GSE1: variants seen among roughly 807,000 people sequenced by gnomAD.
GSE1 encodes the protein genetic suppressor element 1.
In GSE1, 32 loss-of-function variants were observed where a neutral mutation model predicts 112.6. The ratio of observed to expected loss-of-function variants is 0.28; its 90% CI spans 0.21 to 0.38. GSE1 has a LOEUF of 0.38. GSE1 is among the 10% of genes least tolerant of loss of function. The pLI is 1.00. For synonymous variants in GSE1, 1,115 were observed against 735.6 expected (o/e 1.52, Z -8.35); for missense variants, 2,348 against 1,699.2 (o/e 1.38, Z -6.71).
chr16:85,446,458 G>A (rs989674416), intron 2 of GSE1, among the ~76,000 whole-genome samples: 7 of 152,206 alleles, frequency 4.6e-5, no homozygotes, highest in African/African-American at 1.7e-4. Flanking sequence ...GCATGGGTGG[G>A]TGATGTCCCC....
chr16:85,589,683 A>G (rs1026521193), intron 1 of GSE1, among the ~76,000 whole-genome samples: 2 of 152,178 alleles, frequency 1.3e-5, no homozygotes, highest in Non-Finnish European at 2.9e-5. Flanking sequence ...GGTGTATGGA[A>G]TGTGAACGTG....
chr16:85,313,918 C>CTGTGTGTGTG (rs10676246), intron 1 of GSE1, among the ~76,000 whole-genome samples: 33 of 149,294 alleles, frequency 2.2e-4, no homozygotes, highest in Non-Finnish European at 1.3e-4. Context: ...GTCTGAGCCT[C>CTGTGTGTGTG]TGTGTGTGTG....
chr16:85,652,651 C>T (rs1003211901), intron 3 of GSE1, among the ~76,000 whole-genome samples: 1 of 152,174 alleles, frequency 6.6e-6, no homozygotes, highest in Non-Finnish European at 1.5e-5. Context: ...TGCCTCTGCG[C>T]GGGTGCCATG....
At chr16:85,484,151 C>T (rs1597908295) in intron 2 of GSE1, among the ~76,000 whole-genome samples, 1 of 152,216 alleles carries the variant, frequency 6.6e-6, no homozygotes, top group South Asian at 2.1e-4. Context: ...TTCATAGAAC[C>T]GCAGTGAGGT....
At position 85,386,014 on chromosome 16, in the gene GSE1, A is replaced by C. The variant is rs766013937; in HGVS notation, c.2464+28371A>C. On this transcript the variant is annotated intron_variant, in intron 2 of 2. Coordinates refer to the GSE1 transcript ENST00000637419. ...CCCCGAGGGTACACCCAGGGAGGGC[A>C]TCACTCTGCGGGGCTGTCTGGGCCT... is the stretch of plus-strand genomic sequence containing the variant. 1.3e-5 allele frequency among the ~76,000 whole-genome samples: 2 copies of C among 152,172 alleles called. 1 individual carries two copies. Among genetic ancestry groups the C allele is most frequent in the Non-Finnish European group, 2.9e-5 (2 of 68,016 alleles).
At chr16:85,320,148 C>T (rs1480191185) in intron 1 of GSE1, among the ~76,000 whole-genome samples, 1 of 152,222 alleles carries the variant, frequency 6.6e-6, no homozygotes, top group Non-Finnish European at 1.5e-5. Context: ...CATGTTGCTG[C>T]CGTTCTTGGG....
At chr16:85,294,737 G>A (rs923048826) in intron 1 of GSE1, among the ~76,000 whole-genome samples, 1 of 146,384 alleles carries the variant, frequency 6.8e-6, no homozygotes, top group African/African-American at 2.5e-5. Flanking sequence ...CTCCAGCATG[G>A]GTGCTTCAGG....
chr16:85,613,849 AGCGGGG>A (rs2048171350), intron 1 of GSE1, among the ~76,000 whole-genome samples: 1 of 45,072 alleles, frequency 2.2e-5, no homozygotes, highest in Non-Finnish European at 4.3e-5. Flanking sequence ...CGGCCGAGGA[AGCGGGG>A]GTGTGGGGGG....
upstream of GSE1, chr16:85,613,068 G>A (rs1490849124): frequency 3.9e-6 from 2 of 519,002 alleles, no homozygotes; most frequent in African/African-American, 2.1e-5. Flanking sequence ...AGGGGCGTGT[G>A]CCTGGGCGGG....
intron 2 of GSE1, among the ~76,000 whole-genome samples, chr16:85,645,108 G>C (rs1164138359): frequency 6.6e-6 from 1 of 151,060 alleles, no homozygotes; most frequent in Admixed American, 6.6e-5. Context: ...GTAGCCCGCC[G>C]GCACAGTGCC....
intron 2 of GSE1, among the ~76,000 whole-genome samples, chr16:85,549,818 G>A (rs888722826): frequency 6.6e-6 from 1 of 152,194 alleles, no homozygotes; most frequent in African/African-American, 2.4e-5. Flanking sequence ...CTTGCTGAGC[G>A]ACTTCACTTC....
At chr16:85,439,473 C>T (rs532178375) in intron 2 of GSE1, among the ~76,000 whole-genome samples, 2 of 152,284 alleles carry the variant, frequency 1.3e-5, no homozygotes, top group South Asian at 2.1e-4. Flanking sequence ...GCAGTGGGCT[C>T]ACAGAGGTAG....
chr16:85,506,569 G>C (rs1252885225), intron 2 of GSE1, among the ~76,000 whole-genome samples: 3 of 152,096 alleles, frequency 2.0e-5, no homozygotes, highest in Non-Finnish European at 2.9e-5. Flanking sequence ...GGCGTGTTTT[G>C]AGGATGGAAG....
At chr16:85,646,368 T>C (rs1267281750) in intron 2 of GSE1, among the ~76,000 whole-genome samples, 1 of 152,234 alleles carries the variant, frequency 6.6e-6, no homozygotes, top group Non-Finnish European at 1.5e-5. Context: ...TCTGTCCCCG[T>C]GGGCCCAAGT....
At chr16:85,292,970 AAT>A (rs1005658209) in intron 1 of GSE1, among the ~76,000 whole-genome samples, 1 of 152,164 alleles carries the variant, frequency 6.6e-6, no homozygotes, top group African/African-American at 2.4e-5. Flanking sequence ...TTATACATAC[AAT>A]ACAAGCCACA....
chr16:85,542,363 C>T (rs2044550768), intron 2 of GSE1, among the ~76,000 whole-genome samples: 4 of 152,214 alleles, frequency 2.6e-5, no homozygotes, highest in Non-Finnish European at 5.9e-5. Flanking sequence ...GGGATCATTT[C>T]GTCCAAGTGT....
intron 2 of GSE1, among the ~76,000 whole-genome samples, chr16:85,473,397 C>G (rs1012555050): frequency 6.6e-6 from 1 of 152,140 alleles, no homozygotes; most frequent in Non-Finnish European, 1.5e-5. Context: ...GCTGCCAGAT[C>G]AAAGCATCAC....
At chr16:85,276,729 G>C (rs7193216) in intron 1 of GSE1, among the ~76,000 whole-genome samples, 52,901 of 152,012 alleles carry the variant, frequency 0.35, 10,163 homozygotes, top group Non-Finnish European at 0.45. Context: ...GGGCCGGGGA[G>C]GTGTGTGGGG....
chr16:85,606,740 C>G (rs2047718985), upstream of GSE1, among the ~76,000 whole-genome samples: 1 of 152,214 alleles, frequency 6.6e-6, no homozygotes. Flanking sequence ...ACCTGGGACA[C>G]TTAGACTTGG....
Sources: gnomAD v4.1 joint callset for allele counts (sites outside exome capture counted in the v4.1 genomes callset) on GRCh38, gnomAD v4.1.1 for gene constraint, MANE v1.5 for transcripts, NCBI Gene and HGNC (gene_info 2026-07-23, HGNC 2026-07-21) for gene names.